TNRC6B: variants seen among roughly 807,000 people sequenced by gnomAD.
The protein encoded by TNRC6B is trinucleotide repeat containing adaptor 6B, also known as trinucleotide repeat-containing gene 6B protein.
Under a neutral mutation model 203.6 loss-of-function variants are expected in TNRC6B, and 52 were observed. That is an observed-to-expected ratio of 0.26 (90% CI 0.20 to 0.32). The LOEUF (loss-of-function observed/expected upper bound fraction) is 0.32, where lower values mean the gene tolerates loss of function less well. TNRC6B is among the 10% of genes least tolerant of loss of function. The pLI is 1.00. For synonymous variants in TNRC6B, 838 were observed against 845.7 expected (o/e 0.99, Z 0.16); for missense variants, 1,923 against 2,286.2 (o/e 0.84, Z 3.24).
chr22:40,186,679 A>G (rs2069207785), intron 1 of TNRC6B, among the ~76,000 whole-genome samples: 1 of 151,318 alleles, frequency 6.6e-6, no homozygotes, highest in Admixed American at 6.6e-5. Flanking sequence ...CTGAGGTTGC[A>G]GTGAGCCGAG....
At chr22:40,247,228 G>T (rs1343142070) in intron 2 of TNRC6B, among the ~76,000 whole-genome samples, 1 of 152,128 alleles carries the variant, frequency 6.6e-6, no homozygotes, top group Non-Finnish European at 1.5e-5. Flanking sequence ...TAAAGCATTT[G>T]GGAAGCAGGG....
intron 3 of TNRC6B, among the ~76,000 whole-genome samples, chr22:40,131,512 C>T (rs1236789999): frequency 1.3e-5 from 2 of 151,620 alleles, no homozygotes; most frequent in East Asian, 1.9e-4. Context: ...AGCATAATTC[C>T]TTATTTTTGC....
chr22:40,086,361 A>G (rs73422399), intron 1 of TNRC6B, among the ~76,000 whole-genome samples: 6,719 of 152,304 alleles, frequency 0.044, 450 homozygotes, highest in African/African-American at 0.14. Flanking sequence ...GGATTTCATC[A>G]TATTTCATAG....
At chr22:40,226,403 T>G (rs1377844455) in intron 1 of TNRC6B, among the ~76,000 whole-genome samples, 2 of 152,122 alleles carry the variant, frequency 1.3e-5, no homozygotes, top group Non-Finnish European at 1.5e-5. Context: ...AGACACAAAC[T>G]TAATAAAATG....
chr22:40,046,314 G>C (rs1167524680), intron 1 of TNRC6B, among the ~76,000 whole-genome samples: 1 of 152,212 alleles, frequency 6.6e-6, no homozygotes, highest in Non-Finnish European at 1.5e-5. Flanking sequence ...TGTCTCTACA[G>C]CGCGCAGCAT....
At chr22:40,275,635 C>A (rs978758921) in intron 7 of TNRC6B, among the ~76,000 whole-genome samples, 1 of 152,158 alleles carries the variant, frequency 6.6e-6, no homozygotes, top group Admixed American at 6.5e-5. Flanking sequence ...CCCATTCCCC[C>A]CTCCCTCTAG....
intron 4 of TNRC6B, among the ~76,000 whole-genome samples, chr22:40,165,047 G>A (rs2068906447): frequency 6.6e-6 from 1 of 150,566 alleles, no homozygotes; most frequent in Non-Finnish European, 1.5e-5. Context: ...CTCCCAAAGT[G>A]CTGGGATTAC....
At chr22:40,200,654 C>G (rs1189121724) in intron 1 of TNRC6B, among the ~76,000 whole-genome samples, 1 of 152,052 alleles carries the variant, frequency 6.6e-6, no homozygotes, top group African/African-American at 2.4e-5. Flanking sequence ...TTCCCTATTT[C>G]TTATTTTAGC....
At chr22:40,125,352 C>T (rs1239729957) in intron 2 of TNRC6B, among the ~76,000 whole-genome samples, 1 of 152,150 alleles carries the variant, frequency 6.6e-6, no homozygotes, top group Non-Finnish European at 1.5e-5. Flanking sequence ...CTGCCAATTC[C>T]AATAGCCTTA....
intron 4 of TNRC6B, among the ~76,000 whole-genome samples, chr22:40,263,333 G>T (rs1032639208): frequency 6.6e-6 from 1 of 152,148 alleles, no homozygotes; most frequent in Non-Finnish European, 1.5e-5. Flanking sequence ...AAGAAACCTC[G>T]TGGTGACACA....
intron 12 of TNRC6B, among the ~76,000 whole-genome samples, chr22:40,291,737 TC>T (rs1167808391): frequency 2.6e-5 from 4 of 152,236 alleles, no homozygotes; most frequent in Non-Finnish European, 5.9e-5. Flanking sequence ...TGCAGAGAAA[TC>T]CTTATACATA....
At chr22:40,229,535 T>C (rs1270785413) in intron 1 of TNRC6B, among the ~76,000 whole-genome samples, 1 of 151,552 alleles carries the variant, frequency 6.6e-6, no homozygotes, top group Non-Finnish European at 1.5e-5. Flanking sequence ...TTTCAAACGA[T>C]GTATGCAAAA....
At chr22:40,208,111 C>CAAAAA (rs905832467) in intron 1 of TNRC6B, among the ~76,000 whole-genome samples, 5 of 74,948 alleles carry the variant, frequency 6.7e-5, no homozygotes, top group Admixed American at 2.1e-4. Context: ...GACTCCATCT[C>CAAAAA]AAAAAAAAAA....
At chr22:40,119,749 G>A (rs1390784453) in intron 2 of TNRC6B, among the ~76,000 whole-genome samples, 1 of 152,152 alleles carries the variant, frequency 6.6e-6, no homozygotes, top group Non-Finnish European at 1.5e-5. Flanking sequence ...GACTCTGTTA[G>A]CACTGATACA....
chr22:40,093,740 C>A (rs1295749850), intron 1 of TNRC6B, among the ~76,000 whole-genome samples: 1 of 152,188 alleles, frequency 6.6e-6, no homozygotes, highest in Non-Finnish European at 1.5e-5. Context: ...AGAGCTTAAA[C>A]TTTGGAGTCA....
chr22:40,217,722 C>G (rs780963579), intron 1 of TNRC6B, among the ~76,000 whole-genome samples: 3 of 152,082 alleles, frequency 2.0e-5, no homozygotes, highest in Non-Finnish European at 2.9e-5. Context: ...CACCTGTAAT[C>G]CCAGCACTTT....
In TNRC6B at chr22:40,151,552, A is replaced by AAG. The variant is rs1555885693; in HGVS notation, c.46-4563_46-4562insAG. ...GACTGCATCTCAAAAAAAAAAAAAA[A>AAG]GAAAAAAGAAAAAAACTAAAACAAA... On this transcript the variant is annotated intron_variant, in intron 3 of 23. Transcript: ENST00000301923. 3.6e-3 allele frequency among the ~76,000 whole-genome samples: 494 copies of AAG among 138,726 alleles called. 13 individuals carry two copies. Among genetic ancestry groups the AAG allele is most frequent in the East Asian group, 7.5e-3 (37 of 4,924 alleles). The allele number at this position is 138,726 out of a possible 152,430, so 91.0% of individuals were successfully genotyped here.
chr22:40,170,792 T>C (rs1205859606), intron 4 of TNRC6B, among the ~76,000 whole-genome samples: 2 of 63,424 alleles, frequency 3.2e-5, no homozygotes, highest in Non-Finnish European at 5.7e-5. Context: ...CATATATGTG[T>C]GTATATATAC....
chr22:40,101,426 A>C (rs2068240576), intron 1 of TNRC6B, among the ~76,000 whole-genome samples: 1 of 152,184 alleles, frequency 6.6e-6, no homozygotes, highest in African/African-American at 2.4e-5. Flanking sequence ...CTGAATATTC[A>C]CATTTCTATC....
Sources: allele counts gnomAD v4.1 joint callset (sites outside exome capture counted in the v4.1 genomes callset), GRCh38; gene constraint gnomAD v4.1.1; transcripts MANE v1.5; gene names NCBI Gene and HGNC (gene_info 2026-07-23, HGNC 2026-07-21).